Variants in DAB2IP observed in about 807,000 individuals in gnomAD.
DAB2IP encodes DAB2 interacting protein.
A neutral mutation model predicts 107.2 loss-of-function variants in DAB2IP; 28 were observed. That is an observed-to-expected ratio of 0.26 (90% CI 0.19 to 0.36). DAB2IP has a LOEUF of 0.36. Ranked by LOEUF, DAB2IP falls within the 10% of genes least tolerant of loss-of-function variation. DAB2IP has a pLI of 1.00. For missense variants in DAB2IP, 1,400 were observed against 1,644.7 expected (o/e 0.85, Z 2.57); for synonymous variants, 755 against 706.4 (o/e 1.07, Z -1.09).
At chr9:121,763,700 T>C in intron 7 of DAB2IP, 35 bp from the exon 8 acceptor site, 1 of 1,611,852 alleles carries the variant, frequency 6.2e-7, no homozygotes, top group Non-Finnish European at 8.5e-7. Flanking sequence ...GCCCGCCAGG[T>C]CCTCACTCCC....
At chr9:121,773,545 G>T (rs1834936733) in intron 12 of DAB2IP, 50 bp downstream of exon 12, 1 of 1,423,798 alleles carries the variant, frequency 7.0e-7, no homozygotes, top group African/African-American at 1.5e-5. Context: ...GCCCAGCTGG[G>T]GCTGTCATAC....
At chr9:121,716,220 A>T (rs1830596148) in intron 3 of DAB2IP, among the ~76,000 whole-genome samples, 1 of 152,186 alleles carries the variant, frequency 6.6e-6, no homozygotes, top group Non-Finnish European at 1.5e-5. Flanking sequence ...AGTGGAGTAT[A>T]CTTTTATCTT....
At chr9:121,578,248 A>C (rs572039156) in intron 1 of DAB2IP, among the ~76,000 whole-genome samples, 2 of 151,342 alleles carry the variant, frequency 1.3e-5, no homozygotes, top group Admixed American at 1.3e-4. Context: ...CTGTCTCTCT[A>C]TCTCTGTTCC....
Position 121,651,964 on chromosome 9 carries a change from G to A in DAB2IP, c.124+65G>A. 3 of 1,201,990 alleles carry A rather than the reference G, an allele frequency of 2.5e-6. No individual in the cohort carries two copies. The highest frequency in any genetic ancestry group is 3.1e-6 in the Non-Finnish European group (3 of 954,606). The allele number at this position is 1,201,990 out of a possible 1,614,324, so 74.5% of individuals were successfully genotyped here. A position where few individuals can be genotyped will look rare whatever the true frequency, so the allele number is the denominator to read the frequency against. ...AGGCCACTAAGCCACCTGATGCCCT[G>A]GGATGCTAGGGACCGGGATCCTCCT... On this transcript the variant is annotated intron_variant, in intron 1 of 15. Transcript: ENST00000408936. This position sits in a 1 kb window ranked among gnomAD's most constrained non-coding sequence, Gnocchi z 5.1.
At chr9:121,752,214 G>A (rs1459291401) in intron 3 of DAB2IP, among the ~76,000 whole-genome samples, 3 of 152,212 alleles carry the variant, frequency 2.0e-5, no homozygotes, top group Non-Finnish European at 4.4e-5. Context: ...ACTTGGCCTT[G>A]AACAGGCAGC....
chr9:121,750,663 C>T (rs894449080), intron 3 of DAB2IP, among the ~76,000 whole-genome samples: 1 of 152,182 alleles, frequency 6.6e-6, no homozygotes, highest in African/African-American at 2.4e-5. Flanking sequence ...TCTCAATTCC[C>T]CCCACCCAAT....
rs111384838 is a variant in DAB2IP at position 121,742,236 on chromosome 9, T to C, written c.363-14777T>C. 2.4e-3 allele frequency among the ~76,000 whole-genome samples: 358 copies of C among 152,324 alleles called. 3 individuals carry two copies. Among genetic ancestry groups the C allele is most frequent in the African/African-American group, 8.2e-3 (342 of 41,578 alleles). On this transcript the variant is annotated intron_variant, in intron 3 of 15. Coordinates refer to ENST00000408936, the Ensembl canonical transcript of DAB2IP. ...TGAGGTCAGGAATTTGAAACCAGCC[T>C]GACCAACATGGTGAAACCCCGTCTC... is the stretch of plus-strand genomic sequence containing the variant.
intron 1 of DAB2IP, among the ~76,000 whole-genome samples, chr9:121,592,947 A>G (rs1020994713): frequency 1.3e-5 from 2 of 152,154 alleles, no homozygotes; most frequent in African/African-American, 4.8e-5. Context: ...AGTGTTGTAC[A>G]GCGCCTCACT....
intron 3 of DAB2IP, among the ~76,000 whole-genome samples, chr9:121,753,310 C>A (rs1420261725): frequency 6.6e-6 from 1 of 152,194 alleles, no homozygotes; most frequent in East Asian, 1.9e-4. Flanking sequence ...GCCACCTCGC[C>A]TAGGGGACCA....
chr9:121,580,747 C>G (rs768929854), intron 1 of DAB2IP, among the ~76,000 whole-genome samples: 2 of 152,138 alleles, frequency 1.3e-5, no homozygotes, highest in Non-Finnish European at 2.9e-5. Context: ...GCCTCAGCCT[C>G]CTGAGTAGCT....
intron 1 of DAB2IP, among the ~76,000 whole-genome samples, chr9:121,585,918 C>T (rs187327431): frequency 8.1e-4 from 124 of 152,238 alleles, no homozygotes; most frequent in African/African-American, 2.7e-3. Context: ...ACCCTAATTA[C>T]GGATCTAACT....
At chr9:121,770,875 A>C in intron 11 of DAB2IP, 151 bp downstream of exon 11, 1 of 1,109,832 alleles carries the variant, frequency 9.0e-7, no homozygotes, top group Non-Finnish European at 1.2e-6. Context: ...TAAGTGGTGA[A>C]CCTCCATTTG....
At chr9:121,718,247 A>G (rs886160147) in intron 3 of DAB2IP, among the ~76,000 whole-genome samples, 1 of 152,076 alleles carries the variant, frequency 6.6e-6, no homozygotes, top group Non-Finnish European at 1.5e-5. Flanking sequence ...ACGCCCTCCA[A>G]GGCTCACTCA....
chr9:121,690,581 C>A (rs1829113097), intron 2 of DAB2IP, among the ~76,000 whole-genome samples: 1 of 152,154 alleles, frequency 6.6e-6, no homozygotes, highest in South Asian at 2.1e-4. Context: ...TCTGGGTTGT[C>A]ACATCCCAAG....
chr9:121,617,665 C>T (rs567628810), intron 1 of DAB2IP, among the ~76,000 whole-genome samples: 11 of 152,364 alleles, frequency 7.2e-5, no homozygotes, highest in African/African-American at 1.9e-4. Flanking sequence ...CCATGGCCTT[C>T]GGCCTGGTGT....
chr9:121,760,895 A>G lies in DAB2IP; in HGVS notation c.1170+456A>G, dbSNP rs1564209423. Among the ~76,000 whole-genome samples the G allele has an allele frequency of 2.0e-5, 3 of 152,110 alleles. No homozygotes were observed. The highest frequency in any genetic ancestry group is 6.6e-5 in the Admixed American group (1 of 15,266). On this transcript the variant is annotated intron_variant, in intron 6 of 15. Coordinates refer to ENST00000408936, the Ensembl canonical transcript of DAB2IP. The surrounding 1 kb of genome is among the most constrained non-coding windows in gnomAD (Gnocchi z 5.9). ...ACAGATGAGCCTCCCTCACAGCTCT[A>G]CCTCACCCCACACTCTCACCCAGAC... is the stretch of plus-strand genomic sequence containing the variant.
At chr9:121,627,934 A>T (rs1453849915) in intron 1 of DAB2IP, among the ~76,000 whole-genome samples, 1 of 152,198 alleles carries the variant, frequency 6.6e-6, no homozygotes, top group Non-Finnish European at 1.5e-5. Flanking sequence ...AGATTGACTT[A>T]GCCACCCCTC....
At chr9:121,744,413 A>T (rs1832575906) in intron 3 of DAB2IP, among the ~76,000 whole-genome samples, 1 of 152,150 alleles carries the variant, frequency 6.6e-6, no homozygotes, top group South Asian at 2.1e-4. Flanking sequence ...TTCTGAAAAA[A>T]AGTCAGAGGA....
intron 1 of DAB2IP, among the ~76,000 whole-genome samples, chr9:121,670,195 T>C (rs770724583): frequency 2.6e-5 from 4 of 152,230 alleles, no homozygotes; most frequent in Non-Finnish European, 5.9e-5. Flanking sequence ...GATACTGGCT[T>C]TCCTCGCTCA....
Sources: allele counts gnomAD v4.1 joint callset (sites outside exome capture counted in the v4.1 genomes callset), GRCh38; gene constraint gnomAD v4.1.1; non-coding constraint Gnocchi (gnomAD v3.1); transcripts MANE v1.5; gene names NCBI Gene and HGNC (gene_info 2026-07-23, HGNC 2026-07-21).